ADPRH: variants seen among roughly 807,000 people sequenced by gnomAD.
ADPRH encodes the protein ADP-ribosylarginine hydrolase, also known as ADP-ribose-L-arginine cleaving enzyme.
In ADPRH, 27 loss-of-function variants were observed where a neutral mutation model predicts 28.8. The ratio of observed to expected loss-of-function variants is 0.94; its 90% confidence interval spans 0.69 to 1.29. The LOEUF (loss-of-function observed/expected upper bound fraction) is 1.29, where lower values mean the gene tolerates loss of function less well. Among genes scored for constraint, ADPRH ranks in the 50% most tolerant of loss-of-function variants. ADPRH has a pLI of 0.00. For missense variants in ADPRH, 419 were observed against 444.8 expected, an observed-to-expected ratio of 0.94 and a Z score of 0.52; for synonymous variants, 161 against 166.9, an observed-to-expected ratio of 0.96 and a Z score of 0.27.
At position 119,589,678 on chromosome 3, in the gene ADPRH, T is replaced by C. The variant is rs1228688699; in HGVS notation, c.*1800T>C. ...ACAGGAAAAGGCTCTTTAGAGATCC[T>C]ATTAGATTTGCTTTGCCGATTGTCA... On this transcript the variant is annotated 3_prime_UTR_variant, in exon 5 of 5. Transcript: ENST00000357003. The C allele has an allele frequency of 1.3e-5, 2 of 152,216 alleles. No homozygotes were observed. Among genetic ancestry groups the C allele is most frequent in the Non-Finnish European group, 2.9e-5 (2 of 68,032 alleles). The allele number at this position is 152,216 out of a possible 1,614,324, so 9.4% of individuals were successfully genotyped here.
In ADPRH at chr3:119,586,477, A is replaced by T; in HGVS notation, c.491A>T (p.His164Leu). 6.2e-7 allele frequency: 1 copy of T among 1,614,084 alleles called. No individual in the cohort carries two copies. The highest frequency in any genetic ancestry group is 8.5e-7 in the Non-Finnish European group (1 of 1,180,008). Residue 164 changes from histidine (H) to leucine (L), a missense_variant, in exon 4 of 5, where the codon CAC (histidine) becomes CTC (leucine). His to Leu is a moderately conservative substitution (Grantham distance 99). Transcript: ENST00000357003. ...VSIESGRMTH[H>L]HPTGYLGALA... ...ATCGAGAGTGGTCGGATGACCCACC[A>T]CCACCCAACAGGCTACCTGGGGGCC...
Position 119,588,123 on chromosome 3 carries a change from A to T in ADPRH, c.*245A>T, listed in dbSNP as rs2082482892. On this transcript the variant is annotated 3_prime_UTR_variant, in exon 5 of 5. Transcript: ENST00000357003. ...TAGGGTCAGCGTCTCGCAAGCAAAA[A>T]ATCTCATGACCTCATATTTGAGTCT... 2.8e-6 allele frequency: 1 copy of T among 359,228 alleles called. No individual in the cohort carries two copies. The highest frequency in any genetic ancestry group is 4.2e-5 in the East Asian group (1 of 24,056). 22.3% of individuals were successfully genotyped at this position (359,228 alleles called of 1,614,324 possible). A position where few individuals can be genotyped will look rare whatever the true frequency, so the allele number is the denominator to read the frequency against.
intron 3 of ADPRH, among the ~76,000 whole-genome samples, chr3:119,583,161 TG>T (rs763097876): frequency 6.6e-6 from 1 of 152,142 alleles, no homozygotes; most frequent in Non-Finnish European, 1.5e-5. Flanking sequence ...CCCGGGAGGT[TG>T]AGGCTACAGT....
Position 119,586,510 on chromosome 3 carries a change from C to T in ADPRH, c.524C>T (p.Ser175Phe). 3.1e-6 allele frequency: 5 copies of T among 1,614,262 alleles called. No homozygotes were observed. Among genetic ancestry groups the T allele is most frequent in the Non-Finnish European group, 4.2e-6 (5 of 1,180,040 alleles). Residue 175 changes from serine (S) to phenylalanine (F), a missense_variant, in exon 4 of 5, where the codon TCT becomes TTT. Coordinates refer to ENST00000357003, the MANE Select transcript of ADPRH (RefSeq NM_001125.4). ...ACAGGCTACCTGGGGGCCCTTGCGT[C>T]TGCTCTTTTTACAGCCTATGCTGTG... ...HPTGYLGALA[S>F]ALFTAYAVNS...
At chr3:119,582,776 T>G (rs2082419788) in intron 3 of ADPRH, among the ~76,000 whole-genome samples, 1 of 152,184 alleles carries the variant, frequency 6.6e-6, no homozygotes, top group Non-Finnish European at 1.5e-5. Flanking sequence ...TGTTAGGAAC[T>G]GGAGCACACA....
intron 3 of ADPRH, 96 bp downstream of exon 3, chr3:119,582,563 C>A: frequency 1.6e-5 from 20 of 1,274,244 alleles, no homozygotes; most frequent in African/African-American, 3.0e-5. Context: ...ATAACAGAGA[C>A]AATAGTGTTT....
chr3:119,583,755 T>A (rs529430484), intron 3 of ADPRH, among the ~76,000 whole-genome samples: 11 of 152,086 alleles, frequency 7.2e-5, no homozygotes, highest in South Asian at 4.2e-4. Flanking sequence ...TTAAAAAAAA[T>A]TTTTTTGAGT....
At chr3:119,586,263 C>G (rs1403199329) in intron 3 of ADPRH, 22 bp from the exon 4 acceptor site, 1 of 1,612,132 alleles carries the variant, frequency 6.2e-7, no homozygotes, top group Non-Finnish European at 8.5e-7. Flanking sequence ...TAACCCCCAT[C>G]CCTTATCCGA....
At chr3:119,582,582 GATAAAA>G in intron 3 of ADPRH, 115 bp downstream of exon 3, 1 of 1,189,854 alleles carries the variant, frequency 8.4e-7, no homozygotes, top group East Asian at 2.6e-5. Context: ...TTGTAAATGT[GATAAAA>G]ATAGAAATAA....
chr3:119,586,173 TGGC>T, intron 3 of ADPRH, 109 bp from the exon 4 acceptor site: 2 of 1,484,704 alleles, frequency 1.3e-6, no homozygotes, highest in Admixed American at 2.0e-5. Context: ...TCATATTTTT[TGGC>T]TCTCCCTTTC....
At chr3:119,582,036 A>T in intron 2 of ADPRH, 98 bp from the exon 3 acceptor site, 1 of 905,542 alleles carries the variant, frequency 1.1e-6, no homozygotes, top group Non-Finnish European at 1.7e-6. Flanking sequence ...CAATGTCTGC[A>T]AGTAGTGAGT....
intron 2 of ADPRH, among the ~76,000 whole-genome samples, chr3:119,581,064 CTTTTTTTTT>C (rs71156755): frequency 8.3e-6 from 1 of 120,242 alleles, no homozygotes; most frequent in African/African-American, 3.3e-5. Flanking sequence ...ACTCTAAGAA[CTTTTTTTTT>C]TTTTTTTTTT....
In ADPRH at chr3:119,587,780, T is replaced by A. The variant is rs1425522882; in HGVS notation, c.976T>A (p.Ser326Thr). 2.5e-6 allele frequency: 4 copies of A among 1,614,154 alleles called. No homozygotes were observed. The highest frequency in any genetic ancestry group is 2.2e-5 in the South Asian group (2 of 91,074). ...VMYGFKGVSP[S>T]NYEKLEYRNR... is the part of the protein sequence containing the mutation. ...GTATGGTTTTAAAGGAGTGAGTCCC[T>A]CCAACTATGAGAAACTAGAATACAG... Residue 326 changes from serine (S) to threonine (T), a missense_variant, in exon 5 of 5, where the codon TCC (serine) becomes ACC (threonine). Ser to Thr is a moderately conservative substitution (Grantham distance 58, BLOSUM62 1). Transcript: ENST00000357003.
chr3:119,582,114 G>T lies in ADPRH; in HGVS notation c.-36-20G>T. On this transcript the variant is annotated intron_variant, in intron 2 of 4. Transcript: ENST00000357003. Reference sequence around the variant, plus strand: ...TCTTGCTCCTCATCCTATTTCCTTTGTCTTAATTTCCCCACAAAGACACCC... The same window carrying T: ...TCTTGCTCCTCATCCTATTTCCTTTTTCTTAATTTCCCCACAAAGACACCC... 10 of 841,500 alleles carry T rather than the reference G, an allele frequency of 1.2e-5. No individual in the cohort carries two copies. Among genetic ancestry groups the T allele is most frequent in the African/African-American group, 1.8e-5 (1 of 56,262 alleles). 52.1% of individuals were successfully genotyped at this position (841,500 alleles called of 1,614,324 possible). A position where few individuals can be genotyped will look rare whatever the true frequency, so the allele number is the denominator to read the frequency against.
At chr3:119,581,258 G>C (rs973078777) in intron 2 of ADPRH, among the ~76,000 whole-genome samples, 5 of 151,990 alleles carry the variant, frequency 3.3e-5, no homozygotes, top group Non-Finnish European at 5.9e-5. Flanking sequence ...AGTAGAGATG[G>C]GGTTTCACCC....
intron 4 of ADPRH, 140 bp downstream of exon 4, chr3:119,586,785 A>G: frequency 8.2e-7 from 1 of 1,222,100 alleles, no homozygotes; most frequent in African/African-American, 1.5e-5. Flanking sequence ...CCCATCTGCT[A>G]AGGATTTCAA....
rs376074611 is a variant in ADPRH at position 119,582,474 on chromosome 3, A to C, written c.298+7A>C. The C allele has an allele frequency of 1.2e-6, 2 of 1,609,688 alleles. No individual in the cohort carries two copies. The highest frequency in any genetic ancestry group is 2.2e-5 in the East Asian group (1 of 44,796). On this transcript the variant is annotated splice_region_variant and intron_variant, in intron 3 of 4. Transcript: ENST00000357003. ...ATGGATGGGCGGGCACCAGGTGAGC[A>C]CAGCCGGTGGGAGGTGCAAGGAGGG...
rs1347008506 is a variant in ADPRH at position 119,582,199 on chromosome 3, G to A, written c.30G>A (p.Leu10=). The change falls in exon 3 of 5, where the codon CTG becomes CTA. Residue 10 remains leucine, a synonymous_variant. Transcript: ENST00000357003. MEKYVAAMV[L]SAAGDALGYY... is the part of the protein sequence containing the mutation. ...AGAAGTATGTGGCTGCTATGGTGCT[G>A]AGTGCAGCTGGAGATGCCCTGGGGT... is the stretch of plus-strand genomic sequence containing the variant. 6.2e-7 allele frequency: 1 copy of A among 1,612,546 alleles called. No homozygotes were observed. Among genetic ancestry groups the A allele is most frequent in the Non-Finnish European group, 8.5e-7 (1 of 1,178,738 alleles).
Position 119,582,731 on chromosome 3 carries a change from A to G in ADPRH, c.298+264A>G, listed in dbSNP as rs146542333. On this transcript the variant is annotated intron_variant, in intron 3 of 4. Transcript: ENST00000357003. ...CCCTGTCTCTAGAATGGGGTAGCCAATCCCTCTTCTAGAGACAGGTACTGA... is the reference window on the plus strand; with the variant it reads ...CCCTGTCTCTAGAATGGGGTAGCCAGTCCCTCTTCTAGAGACAGGTACTGA... Among the ~76,000 whole-genome samples the G allele has an allele frequency of 1.1e-3, 164 of 152,312 alleles. 4 individuals carry two copies. Among genetic ancestry groups the G allele is most frequent in the African/African-American group, 3.6e-3 (151 of 41,564 alleles).
Sources: allele counts gnomAD v4.1 joint callset (sites outside exome capture counted in the v4.1 genomes callset), GRCh38; gene constraint gnomAD v4.1.1; transcripts MANE v1.5; gene names NCBI Gene and HGNC (gene_info 2026-07-23, HGNC 2026-07-21).